Variants in THAP8 observed in about 807,000 individuals in gnomAD.
THAP8 encodes THAP domain containing 8.
A neutral mutation model predicts 25.0 loss-of-function variants in THAP8; 24 were observed. The ratio of observed to expected loss-of-function variants is 0.96; its 90% CI spans 0.69 to 1.35. The LOEUF is 1.35. THAP8 is among the 40% of genes most tolerant of loss of function. THAP8 has a pLI of 0.00. For synonymous variants in THAP8, 169 were observed against 157.6 expected (o/e 1.07, Z -0.54); for missense variants, 399 against 368.8 (o/e 1.08, Z -0.67).
At chr19:36,051,182 T>C (rs1970046571) in intron 1 of THAP8, among the ~76,000 whole-genome samples, 1 of 152,058 alleles carries the variant, frequency 6.6e-6, no homozygotes, top group South Asian at 2.1e-4. Flanking sequence ...GGCAAGAACT[T>C]TGAAATCAGA....
intron 1 of THAP8, among the ~76,000 whole-genome samples, chr19:36,050,053 CAAAAA>C (rs1250976973): frequency 2.6e-5 from 2 of 76,852 alleles, no homozygotes; most frequent in Admixed American, 1.5e-4. Flanking sequence ...GACCCTGTCT[CAAAAA>C]AAAAAAAAAA....
chr19:36,054,067 A>G (rs1349295794), intron 1 of THAP8, 68 bp downstream of exon 1: 2 of 1,537,376 alleles, frequency 1.3e-6, no homozygotes, highest in Non-Finnish European at 1.8e-6. Flanking sequence ...GCACAGCAGC[A>G]CTAATGCTCG....
intron 3 of THAP8, among the ~76,000 whole-genome samples, chr19:36,039,014 T>C (rs1969581841): frequency 6.6e-6 from 1 of 152,192 alleles, no homozygotes; most frequent in Non-Finnish European, 1.5e-5. Context: ...CTCCAACCAA[T>C]AGTTGCTTGG....
Position 36,037,944 on chromosome 19 carries a change from T to C in THAP8, c.672+1379A>G, listed in dbSNP as rs1438307327. Among the ~76,000 whole-genome samples the C allele has an allele frequency of 2.7e-5, 4 of 150,632 alleles. No individual in the cohort carries two copies. In the East Asian group the frequency reaches 7.9e-4, roughly 30 times the overall value. ...TGAGCCACCACACCCGGCCTTTTTT[T>C]GTTTTTGTTTTTGTTTTTGAGATGG... On this transcript the variant is annotated intron_variant, in intron 3 of 3. Coordinates refer to ENST00000292894, the MANE Select transcript of THAP8 (RefSeq NM_152658.3).
chr19:36,050,977 GAAGAAAGACA>G (rs1414581143), intron 1 of THAP8, among the ~76,000 whole-genome samples: 1 of 152,196 alleles, frequency 6.6e-6, no homozygotes, highest in African/African-American at 2.4e-5. Flanking sequence ...CAGGAGGAAA[GAAGAAAGACA>G]AAGAAAGACA....
At chr19:36,052,248 T>A (rs1038451250) in intron 1 of THAP8, among the ~76,000 whole-genome samples, 1 of 152,172 alleles carries the variant, frequency 6.6e-6, no homozygotes. Flanking sequence ...TTTCGCCATG[T>A]TGGCCAGGAT....
At chr19:36,053,246 T>G (rs1970119454) in intron 1 of THAP8, among the ~76,000 whole-genome samples, 1 of 151,504 alleles carries the variant, frequency 6.6e-6, no homozygotes, top group African/African-American at 2.4e-5. Context: ...TTTTGTATTT[T>G]TAGTAGACAC....
At chr19:36,048,743 G>A (rs971708801) in intron 1 of THAP8, among the ~76,000 whole-genome samples, 5 of 151,080 alleles carry the variant, frequency 3.3e-5, no homozygotes, top group Non-Finnish European at 2.9e-5. Context: ...AGCTACTCAG[G>A]AGGTTGAGGC....
intron 1 of THAP8, among the ~76,000 whole-genome samples, chr19:36,050,033 G>A (rs567406832): frequency 8.0e-5 from 12 of 149,440 alleles, no homozygotes; most frequent in African/African-American, 2.2e-4. Flanking sequence ...CAGCCTGGGC[G>A]GCAGAGCAAG....
rs1027719177 is a variant in THAP8, at chr19:36,054,034, C to T, written c.83+101G>A. On this transcript the variant is annotated intron_variant, in intron 1 of 3. Transcript: ENST00000292894. ...ATGGTTTAACCCCACTTCCTAACAC[C>T]CTCAAGCAAGACCAGAAGCCCCGCA... is the stretch of plus-strand genomic sequence containing the variant. 12 of 1,354,662 alleles carry T rather than the reference C, an allele frequency of 8.9e-6. No homozygotes were observed. The African/African-American group carries it at 1.2e-4, about 13-fold the overall frequency. The allele number at this position is 1,354,662 out of a possible 1,614,324, so 83.9% of individuals were successfully genotyped here.
At chr19:36,039,856 G>A in intron 2 of THAP8, 88 bp downstream of exon 2, 4 of 1,587,928 alleles carry the variant, frequency 2.5e-6, no homozygotes, top group Non-Finnish European at 3.4e-6. Context: ...CAGGAGGGGA[G>A]GGCCAAAGTT....
At chr19:36,049,852 A>G (rs1243702240) in intron 1 of THAP8, among the ~76,000 whole-genome samples, 1 of 152,170 alleles carries the variant, frequency 6.6e-6, no homozygotes. Context: ...CAGGAGTTCA[A>G]GACCCACCTG....
chr19:36,038,233 G>A (rs867090122), intron 3 of THAP8, among the ~76,000 whole-genome samples: 1 of 152,100 alleles, frequency 6.6e-6, no homozygotes, highest in Middle Eastern at 3.4e-3. Flanking sequence ...ATGAGCCACC[G>A]CACACAGACC....
intron 1 of THAP8, among the ~76,000 whole-genome samples, chr19:36,047,778 T>C (rs751399524): frequency 2.7e-5 from 4 of 150,368 alleles, no homozygotes; most frequent in Non-Finnish European, 4.4e-5. Context: ...TGCAGTGAGC[T>C]GAGACTGTGC....
In THAP8 at chr19:36,039,441, C is replaced by G. The variant is rs10421966; in HGVS notation, c.554G>C (p.Arg185Pro). Reference sequence around the variant, plus strand: ...CCGCTCCTGGCACCGTTGCAGCCTCCGCACCCGGCGTTGCAGTGCTCCCAG... The same window carrying G: ...CCGCTCCTGGCACCGTTGCAGCCTCGGCACCCGGCGTTGCAGTGCTCCCAG... ...PVLGALQRRVRRLQRCQERHQ... is the reference protein window; with the variant it reads ...PVLGALQRRVPRLQRCQERHQ... Residue 185 changes from arginine (R) to proline (P), a missense_variant, in exon 3 of 4, where the codon CGG (arginine) becomes CCG (proline). Arg to Pro is a moderately radical substitution (Grantham distance 103, BLOSUM62 -2). Transcript: ENST00000292894. The G allele has an allele frequency of 3.0e-5, 47 of 1,588,358 alleles. No homozygotes were observed. The highest frequency in any genetic ancestry group is 3.9e-5 in the Non-Finnish European group (45 of 1,167,196).
At position 36,037,941 on chromosome 19, in the gene THAP8, TTTTG is replaced by T. The variant is rs1344704421; in HGVS notation, c.672+1378_672+1381del. On this transcript the variant is annotated intron_variant, in intron 3 of 3. Coordinates refer to ENST00000292894, the MANE Select transcript of THAP8 (RefSeq NM_152658.3). The stretch of plus-strand genomic sequence containing the variant: ...GCATGAGCCACCACACCCGGCCTTT[TTTTG>T]TTTTTGTTTTTGTTTTTGAGATGGC... Among the ~76,000 whole-genome samples the T allele has an allele frequency of 2.9e-4, 44 of 150,390 alleles. 1 individual carries two copies. In the Admixed American group the frequency reaches 3.0e-3, roughly 10 times the overall value.
chr19:36,049,022 G>C (rs1969976828), intron 1 of THAP8, among the ~76,000 whole-genome samples: 1 of 151,714 alleles, frequency 6.6e-6, no homozygotes, highest in Non-Finnish European at 1.5e-5. Context: ...CTAAGTGATA[G>C]GTCCCCCATA....
At chr19:36,054,321 G>A (rs1970217181), upstream of THAP8, 2 of 1,359,278 alleles carry the variant, frequency 1.5e-6, no homozygotes, top group East Asian at 2.5e-5. Context: ...CCTGCCTCAC[G>A]TGACGTCCGT....
upstream of THAP8, chr19:36,054,548 G>A: frequency 1.8e-6 from 1 of 554,584 alleles, no homozygotes; most frequent in Middle Eastern, 4.8e-4. Context: ...CAAATCAACT[G>A]GCTAGTCAAT....
Sources: allele counts gnomAD v4.1 joint callset (sites outside exome capture counted in the v4.1 genomes callset), GRCh38; gene constraint gnomAD v4.1.1; transcripts MANE v1.5; gene names NCBI Gene and HGNC (gene_info 2026-07-23, HGNC 2026-07-21).